CADM2: variants seen among roughly 807,000 people sequenced by gnomAD.
CADM2 encodes the protein immunoglobulin superfamily member 4D.
Under a neutral mutation model 49.8 loss-of-function variants are expected in CADM2, and 12 were observed. The ratio of observed to expected loss-of-function variants is 0.24; its 90% CI spans 0.15 to 0.39. The LOEUF is 0.39. Among genes scored for constraint, CADM2 ranks in the 10% least tolerant of loss-of-function variants. The pLI is 1.00. For missense variants in CADM2, 378 were observed against 492.3 expected, an observed-to-expected ratio of 0.77 and a Z score of 2.20; for synonymous variants, 214 against 175.4, an observed-to-expected ratio of 1.22 and a Z score of -1.74.
intron 1 of CADM2, among the ~76,000 whole-genome samples, chr3:85,643,362 T>C (rs573633564): frequency 1.3e-5 from 2 of 152,318 alleles, no homozygotes; most frequent in East Asian, 3.9e-4. Flanking sequence ...TAGACGTTAA[T>C]TATTTGTTAT....
At chr3:85,635,065 T>C (rs1025950659) in intron 1 of CADM2, among the ~76,000 whole-genome samples, 4 of 152,102 alleles carry the variant, frequency 2.6e-5, no homozygotes, top group Admixed American at 6.6e-5. Flanking sequence ...CGTCACATAT[T>C]AAAGGCTTAA....
intron 8 of CADM2, among the ~76,000 whole-genome samples, chr3:86,045,830 G>A (rs759051073): frequency 1.1e-4 from 17 of 152,114 alleles, no homozygotes; most frequent in Admixed American, 2.6e-4. Context: ...AATCTTCACA[G>A]TAACCCTGTA....
chr3:85,817,191 T>C (rs1439800941), intron 3 of CADM2, among the ~76,000 whole-genome samples: 4 of 152,316 alleles, frequency 2.6e-5, no homozygotes, highest in African/African-American at 9.6e-5. Flanking sequence ...TCAAGTCTCC[T>C]GGTTTTACAC....
intron 2 of CADM2, among the ~76,000 whole-genome samples, chr3:85,766,970 G>C (rs1445511563): frequency 2.0e-5 from 3 of 152,038 alleles, no homozygotes; most frequent in Admixed American, 6.6e-5. Context: ...TCATAGATTA[G>C]CAGCTCCCAC....
chr3:85,315,358 A>G (rs2044440392), intron 1 of CADM2, among the ~76,000 whole-genome samples: 1 of 152,200 alleles, frequency 6.6e-6, no homozygotes, highest in Admixed American at 6.5e-5. Flanking sequence ...TTCCTAAATA[A>G]GGTCATATTC....
chr3:85,775,607 C>T (rs548739389), intron 2 of CADM2, among the ~76,000 whole-genome samples: 1 of 151,852 alleles, frequency 6.6e-6, no homozygotes, highest in East Asian at 1.9e-4. Context: ...GCTGAATTTT[C>T]TTGTTTTTCT....
intron 1 of CADM2, among the ~76,000 whole-genome samples, chr3:85,603,181 A>G (rs2063457921): frequency 6.6e-6 from 1 of 151,906 alleles, no homozygotes; most frequent in African/African-American, 2.4e-5. Context: ...TCTGAAATAT[A>G]CATTTAAAAC....
intron 1 of CADM2, among the ~76,000 whole-genome samples, chr3:85,685,816 G>C (rs999099380): frequency 2.6e-5 from 4 of 151,788 alleles, no homozygotes; most frequent in African/African-American, 9.7e-5. Context: ...AGTAGAAACG[G>C]AGTTTCATCA....
At position 85,528,394 on chromosome 3, in the gene CADM2, C is replaced by A. The variant is rs979877945; in HGVS notation, c.62-198128C>A. Reference sequence around the variant, plus strand: ...TCTCTTTATAGTTTAGTAACTATGACTTCAAAATGTGGAGTAAGCTTTCTG... The same window carrying A: ...TCTCTTTATAGTTTAGTAACTATGAATTCAAAATGTGGAGTAAGCTTTCTG... On this transcript the variant is annotated intron_variant, in intron 1 of 9. Coordinates refer to ENST00000383699, the MANE Select transcript of CADM2 (RefSeq NM_001167675.2). 2.5e-4 allele frequency among the ~76,000 whole-genome samples: 38 copies of A among 152,310 alleles called. 1 individual carries two copies. Among genetic ancestry groups the A allele is most frequent in the African/African-American group, 8.7e-4 (36 of 41,568 alleles).
chr3:85,934,470 C>G (rs1720962075), intron 6 of CADM2, among the ~76,000 whole-genome samples: 1 of 151,710 alleles, frequency 6.6e-6, no homozygotes, highest in African/African-American at 2.4e-5. Flanking sequence ...CATATTTTTT[C>G]AGATTAATTT....
At chr3:85,351,828 A>G (rs114440559) in intron 1 of CADM2, among the ~76,000 whole-genome samples, 241 of 152,264 alleles carry the variant, frequency 1.6e-3, no homozygotes, top group Non-Finnish European at 2.5e-3. Context: ...GAGACTGTAT[A>G]AGAACTGCAT....
At chr3:86,057,204 T>C (rs1738097878) in intron 8 of CADM2, among the ~76,000 whole-genome samples, 1 of 152,182 alleles carries the variant, frequency 6.6e-6, no homozygotes, top group Non-Finnish European at 1.5e-5. Flanking sequence ...TTTGCTTATG[T>C]CAAAGAACAG....
intron 1 of CADM2, among the ~76,000 whole-genome samples, chr3:85,067,670 T>G (rs2036574975): frequency 1.3e-5 from 2 of 152,142 alleles, no homozygotes; most frequent in Admixed American, 1.3e-4. Flanking sequence ...TGTCGATGGA[T>G]TTCCATTTTT....
At chr3:85,997,150 G>C (rs1729533481) in intron 8 of CADM2, among the ~76,000 whole-genome samples, 1 of 152,122 alleles carries the variant, frequency 6.6e-6, no homozygotes, top group African/African-American at 2.4e-5. Context: ...TATATTTGAA[G>C]GTTTAGGTGT....
At chr3:84,988,439 T>C (rs1484669290) in intron 1 of CADM2, among the ~76,000 whole-genome samples, 1 of 152,252 alleles carries the variant, frequency 6.6e-6, no homozygotes, top group Non-Finnish European at 1.5e-5. Context: ...CCAGGTTTTT[T>C]AGCTGTTGTA....
intron 1 of CADM2, among the ~76,000 whole-genome samples, chr3:85,456,228 A>G (rs1173788791): frequency 6.6e-6 from 1 of 152,188 alleles, no homozygotes; most frequent in African/African-American, 2.4e-5. Context: ...TTATCTAGAC[A>G]GTCTGAAGCC....
intron 1 of CADM2, among the ~76,000 whole-genome samples, chr3:85,028,162 A>G (rs2034816977): frequency 6.6e-6 from 1 of 152,160 alleles, no homozygotes; most frequent in African/African-American, 2.4e-5. Flanking sequence ...TTTCCATTTT[A>G]CAGATGAGGA....
chr3:85,787,910 C>G (rs887026507), intron 2 of CADM2, among the ~76,000 whole-genome samples: 1 of 152,094 alleles, frequency 6.6e-6, no homozygotes, highest in Non-Finnish European at 1.5e-5. Context: ...GTTCTTTCAA[C>G]AGCTAACCTA....
intron 8 of CADM2, among the ~76,000 whole-genome samples, chr3:85,968,310 A>G (rs1209599436): frequency 6.6e-6 from 1 of 151,694 alleles, no homozygotes; most frequent in Non-Finnish European, 1.5e-5. Flanking sequence ...ATGGCATAAA[A>G]TAGTAGAGAC....
Sources: gnomAD v4.1 joint callset for allele counts (sites outside exome capture counted in the v4.1 genomes callset) on GRCh38, gnomAD v4.1.1 for gene constraint, MANE v1.5 for transcripts, NCBI Gene and HGNC (gene_info 2026-07-23, HGNC 2026-07-21) for gene names.